Variants in TTN observed in about 807,000 individuals in gnomAD.
TTN encodes connectin.
In TTN, 1,525 loss-of-function variants were observed where a neutral mutation model predicts 3,223.0. The observed-to-expected ratio is 0.47, with a 90% CI of 0.45 to 0.49. The LOEUF is 0.49. Ranked by LOEUF, TTN falls within the 20% of genes least tolerant of loss-of-function variation. The pLI is 0.00. For missense variants in TTN, 40,786 were observed against 43,424.0 expected (o/e 0.94, Z 5.40); for synonymous variants, 14,094 against 15,161.0 (o/e 0.93, Z 5.17).
In TTN at chr2:178,579,939, G is replaced by T; in HGVS notation, c.67348C>A (p.Gln22450Lys). 6.2e-7 allele frequency: 1 copy of T among 1,612,930 alleles called. No homozygotes were observed. Among genetic ancestry groups the T allele is most frequent in the Non-Finnish European group, 8.5e-7 (1 of 1,179,430 alleles). The change falls in exon 318 of 363, where the codon CAA (glutamine) becomes AAA (lysine). Residue 22450 changes from glutamine to lysine, a missense_variant and splice_region_variant. Physicochemically the swap from Gln to Lys is moderately conservative, Grantham distance 53 (BLOSUM62 1). Coordinates refer to ENST00000589042, the MANE Select transcript of TTN (RefSeq NM_001267550.2). ...GETRDAVKAS[Q>K]TPGPVVDLKV... The stretch of plus-strand genomic sequence containing the variant: ...ATGGGATGATGGTTCATTTGCTTAC[G>T]GGAAGCTTTGACAGCATCACGAGTT...
At chr2:178,767,951 T>C in intron 39 of TTN, 27 bp from the exon 40 acceptor site, 1 of 1,614,126 alleles carries the variant, frequency 6.2e-7, no homozygotes, top group Non-Finnish European at 8.5e-7. Flanking sequence ...AATTCGAGTT[T>C]ACCGTATGGT....
At position 178,558,048 on chromosome 2, in the gene TTN, G is replaced by T. The variant is rs1326063732; in HGVS notation, c.87306C>A (p.Ile29102=). ...CAGCTGTAACACTTTCTTTGAGATT[G>T]ATGGTCAGGTTCTCAGCAGTAATTT... ...NTEITAENLT[I]NLKESVTADA... is the part of the protein sequence containing the mutation. Residue 29102 remains isoleucine (I), a synonymous_variant, in exon 328 of 363, where the codon ATC becomes ATA. Coordinates refer to ENST00000589042, the MANE Select transcript of TTN (RefSeq NM_001267550.2). The T allele has an allele frequency of 1.9e-6, 3 of 1,613,938 alleles. No individual in the cohort carries two copies. The East Asian group carries it at 6.7e-5, about 36-fold the overall frequency.
At chr2:178,675,400 G>A in intron 149 of TTN, 3 of 381,588 alleles carry the variant, frequency 7.9e-6, no homozygotes, top group East Asian at 4.1e-5. Context: ...GAAGAAATGG[G>A]TATTTCAGGG....
rs1329503424 is a variant in TTN at position 178,534,124 on chromosome 2, T to C, written c.102491A>G (p.Gln34164Arg). The part of the protein sequence containing the change: ...KYVCKIENYD[Q>R]STQVTWYFGV... ...AAAGTACCAAGTCACTTGGGTAGAC[T>C]GATCATAATTTTCAATTTTGCATAC... The change falls in exon 358 of 363, where the codon CAG becomes CGG. Residue 34164 changes from glutamine to arginine, a missense_variant. Gln to Arg is a conservative substitution (Grantham distance 43). Transcript: ENST00000589042. 6.2e-7 allele frequency: 1 copy of C among 1,613,986 alleles called. No individual in the cohort carries two copies. The highest frequency in any genetic ancestry group is 1.7e-5 in the Admixed American group (1 of 60,020).
In TTN at chr2:178,793,200, T is replaced by C. The variant is rs182364253; in HGVS notation, c.1536+204A>G. On this transcript the variant is annotated intron_variant, in intron 9 of 362. Transcript: ENST00000589042. Reference sequence around the variant, plus strand: ...CCTGGTGTATGTTCACAGAGTTCTTTTTCATACTCACAAGGGGAGCATTCA... The same window carrying C: ...CCTGGTGTATGTTCACAGAGTTCTTCTTCATACTCACAAGGGGAGCATTCA... 1.9e-4 allele frequency among the ~76,000 whole-genome samples: 29 copies of C among 152,324 alleles called. No individual in the cohort carries two copies. The East Asian group carries it at 5.6e-3, about 29-fold the overall frequency.
chr2:178,597,875 A>G (rs768145955), intron 293 of TTN, 33 bp downstream of exon 293: 2 of 1,612,906 alleles, frequency 1.2e-6, no homozygotes, highest in Non-Finnish European at 8.5e-7. Context: ...TGAAACATAA[A>G]TACTGATGGC....
chr2:178,714,484 G>T lies in TTN; in HGVS notation c.26290C>A (p.Pro8764Thr). 1 of 1,613,400 alleles carries T rather than the reference G, an allele frequency of 6.2e-7. No homozygotes were observed. ...QLQTTIEGAE[P>T]ISVVWFKDKG... Reference sequence around the variant, plus strand: ...TCTTTGAACCACACCACTGAAATGGGTTCAGCGCCTTCAATGGTAGTCTGC... The same window carrying T: ...TCTTTGAACCACACCACTGAAATGGTTTCAGCGCCTTCAATGGTAGTCTGC... The change falls in exon 91 of 363, where the codon CCC becomes ACC. Residue 8764 changes from proline (P) to threonine (T), a missense_variant. Transcript: ENST00000589042.
chr2:178,629,219 A>T (rs190463398), intron 240 of TTN, 82 bp downstream of exon 240: 87 of 1,503,888 alleles, frequency 5.8e-5, no homozygotes, highest in Admixed American at 2.2e-4. Flanking sequence ...CATTAGAAAG[A>T]GCAAAGAATA....
intron 207 of TTN, 64 bp downstream of exon 207, chr2:178,651,389 C>T: frequency 6.2e-7 from 1 of 1,603,196 alleles, no homozygotes; most frequent in South Asian, 1.1e-5. Context: ...TTACACAGAA[C>T]AAAACCCTTT....
Position 178,731,206 on chromosome 2 carries a change from G to A in TTN, c.17462-3C>T. The stretch of plus-strand genomic sequence containing the variant: ...TTCCTCGGTGATTGTTGCAGGTTCT[G>A]TAGAAAACAAAGGGATAGATGTGGG... On this transcript the variant is annotated splice_polypyrimidine_tract_variant and splice_region_variant and intron_variant, in intron 59 of 362. Transcript: ENST00000589042. The A allele has an allele frequency of 2.5e-6, 4 of 1,612,460 alleles. No individual in the cohort carries two copies. The highest frequency in any genetic ancestry group is 1.7e-6 in the Non-Finnish European group (2 of 1,178,954).
intron 45 of TTN, 131 bp from the exon 46 acceptor site, chr2:178,756,928 C>A (rs1385189767): frequency 6.4e-6 from 5 of 787,160 alleles, no homozygotes; most frequent in Non-Finnish European, 7.9e-6. Flanking sequence ...AAGCAGCATG[C>A]CAGATGCAAT....
Position 178,647,053 on chromosome 2 carries a change from T to C in TTN, c.40222+11A>G. On this transcript the variant is annotated intron_variant, in intron 215 of 362. Transcript: ENST00000589042. The stretch of plus-strand genomic sequence containing the variant: ...GATTAAAAAAATGTATATATATATA[T>C]ATATATATACCTTCAACAGGGGGAG... 1 of 949,186 alleles carries C rather than the reference T, an allele frequency of 1.1e-6. No homozygotes were observed. Among genetic ancestry groups the C allele is most frequent in the East Asian group, 3.4e-5 (1 of 29,570 alleles). The allele number at this position is 949,186 out of a possible 1,614,324, so 58.8% of individuals were successfully genotyped here. A position where few individuals can be genotyped will look rare whatever the true frequency, so the allele number is the denominator to read the frequency against.
In TTN at chr2:178,552,107, G is replaced by C; in HGVS notation, c.90793C>G (p.Arg30265Gly). 2 of 1,613,648 alleles carry C rather than the reference G, an allele frequency of 1.2e-6. No individual in the cohort carries two copies. Among genetic ancestry groups the C allele is most frequent in the South Asian group, 2.2e-5 (2 of 91,046 alleles). The change falls in exon 335 of 363, where the codon CGG (arginine) becomes GGG (glycine). Residue 30265 changes from arginine (R) to glycine (G), a missense_variant. Coordinates refer to ENST00000589042, the MANE Select transcript of TTN (RefSeq NM_001267550.2). Reference protein sequence around the residue: ...GEITCYSIEKRETSQTNWKMV... With the variant: ...GEITCYSIEKGETSQTNWKMV... ...TTCCAGTTAGTTTGTGAAGTTTCCC[G>C]CTTCTCGATGCTGTAACAAGTAATT...
intron 326 of TTN, chr2:178,559,040 C>A (rs1702615207): frequency 6.9e-6 from 2 of 288,818 alleles, no homozygotes; most frequent in Non-Finnish European, 1.3e-5. Flanking sequence ...TATATATAAA[C>A]ATGTATACCT....
At chr2:178,554,800 A>G (rs762143660) in intron 331 of TTN, 48 bp from the exon 332 acceptor site, 4 of 1,611,916 alleles carry the variant, frequency 2.5e-6, no homozygotes, top group Non-Finnish European at 3.4e-6. Context: ...TTTAAAGCCT[A>G]CTTGTTCAAA....
rs1233546325 is a variant in TTN at position 178,692,556 on chromosome 2, G to A, written c.31619C>T (p.Ala10540Val). The change falls in exon 120 of 363, where the codon GCT becomes GTT. Residue 10540 changes from alanine to valine, a missense_variant. Coordinates refer to ENST00000589042, the MANE Select transcript of TTN (RefSeq NM_001267550.2). ...PKVPELPEKP[A>V]PEEVAPVPIP... The stretch of plus-strand genomic sequence containing the variant: ...AGGAACAGGGGCCACTTCTTCTGGA[G>A]CTGGTTTCTCAGGTAGCTCAGGGAC... The A allele has an allele frequency of 6.4e-7, 1 of 1,570,570 alleles. No homozygotes were observed. Among genetic ancestry groups the A allele is most frequent in the East Asian group, 2.3e-5 (1 of 44,198 alleles).
At chr2:178,664,140 AT>A in intron 168 of TTN, 42 bp from the exon 169 acceptor site, 1 of 1,533,162 alleles carries the variant, frequency 6.5e-7, no homozygotes, top group Non-Finnish European at 8.9e-7. Context: ...AAATACAGAG[AT>A]TACTAGATAG....
At chr2:178,610,511 C>G in intron 270 of TTN, 122 bp from the exon 271 acceptor site, 1 of 1,022,924 alleles carries the variant, frequency 9.8e-7, no homozygotes, top group Non-Finnish European at 1.4e-6. Context: ...GCTGGAGTGT[C>G]ATTCACACTG....
At position 178,544,205 on chromosome 2, in the gene TTN, T is replaced by G; in HGVS notation, c.96024A>C (p.Arg32008Ser). The change falls in exon 345 of 363, where the codon AGA (arginine) becomes AGC (serine). Residue 32008 changes from arginine to serine, a missense_variant. Arg to Ser is a moderately radical substitution (Grantham distance 110). Transcript: ENST00000589042. ...AAAAGCTTCTGTGATAAATACCTAT[T>G]CTTTCCACGGGCTCAATTTCAGCAA... ...ESIAEIEPVE[R>S]IEIPDLELAD... The G allele has an allele frequency of 1.2e-6, 2 of 1,612,642 alleles. No homozygotes were observed. Among genetic ancestry groups the G allele is most frequent in the Non-Finnish European group, 8.5e-7 (1 of 1,178,746 alleles).
Sources: gnomAD v4.1 joint callset for allele counts (sites outside exome capture counted in the v4.1 genomes callset) on GRCh38, gnomAD v4.1.1 for gene constraint, MANE v1.5 for transcripts, NCBI Gene and HGNC (gene_info 2026-07-23, HGNC 2026-07-21) for gene names.